Variants in NAA11 observed in about 807,000 individuals in gnomAD.
NAA11 encodes the protein N-alpha-acetyltransferase 11.
In NAA11, 15 loss-of-function variants were observed where a neutral mutation model predicts 16.1. The observed-to-expected ratio is 0.93, with a 90% CI of 0.62 to 1.44. The LOEUF (loss-of-function observed/expected upper bound fraction) is 1.44. Ranked by LOEUF, NAA11 falls within the 40% of genes most tolerant of loss-of-function variation. The probability of loss-of-function intolerance (pLI) is 0.00; values close to 1 mark genes in which losing one functional copy is unlikely to be tolerated. For missense variants in NAA11, 298 were observed against 291.3 expected (o/e 1.02, Z -0.17); for synonymous variants, 122 against 112.4 (o/e 1.09, Z -0.54).
At chr4:79,279,744 C>T (rs1212063458) in intron 2 of NAA11, among the ~76,000 whole-genome samples, 2 of 152,080 alleles carry the variant, frequency 1.3e-5, no homozygotes, top group Non-Finnish European at 2.9e-5. Context: ...AAACCTGTTT[C>T]ATACCTGATT....
the NAA11 span, among the ~76,000 whole-genome samples, chr4:79,157,608 T>C: frequency 4.6e-5 from 7 of 151,972 alleles, no homozygotes; most frequent in Admixed American, 3.3e-4. Flanking sequence ...TATACACACA[T>C]ATATATACAC....
At chr4:79,261,515 A>T (rs1025205717) in intron 2 of NAA11, among the ~76,000 whole-genome samples, 2 of 152,332 alleles carry the variant, frequency 1.3e-5, no homozygotes. Flanking sequence ...ATTTGGGAGA[A>T]GAGGCAGGGG....
At chr4:79,319,360 G>C (rs971490253) in intron 1 of NAA11, among the ~76,000 whole-genome samples, 4 of 151,938 alleles carry the variant, frequency 2.6e-5, no homozygotes, top group African/African-American at 9.7e-5. Flanking sequence ...AGAATACTAT[G>C]GCTTTACTTT....
At chr4:79,162,789 A>G in the NAA11 span, among the ~76,000 whole-genome samples, 1 of 152,352 alleles carries the variant, frequency 6.6e-6, no homozygotes, top group African/African-American at 2.4e-5. Context: ...TAGTCTACCA[A>G]TATCCAAAGA....
intron 1 of NAA11, among the ~76,000 whole-genome samples, chr4:79,320,920 C>T (rs924036451): frequency 1.2e-4 from 18 of 152,164 alleles, no homozygotes; most frequent in African/African-American, 4.3e-4. Flanking sequence ...TCTTTCTTCA[C>T]TGTAGCCTTT....
At chr4:79,293,243 A>G (rs773423397) in intron 2 of NAA11, among the ~76,000 whole-genome samples, 55 of 152,148 alleles carry the variant, frequency 3.6e-4, no homozygotes, top group Non-Finnish European at 5.7e-4. Context: ...GAAATTAGAT[A>G]TTTTTTAAAA....
the NAA11 span, among the ~76,000 whole-genome samples, chr4:79,163,449 G>A: frequency 6.6e-6 from 1 of 152,176 alleles, no homozygotes; most frequent in Admixed American, 6.5e-5. Context: ...AAAGCAGATA[G>A]AAGTAAGGAA....
intron 1 of NAA11, chr4:79,307,060 G>A (rs1330682574): frequency 6.6e-6 from 1 of 152,198 alleles, no homozygotes; most frequent in Admixed American, 6.5e-5. Context: ...TGCCTTCCAT[G>A]CAGATAAATC....
chr4:79,253,440 A>C (rs1722037790), intron 2 of NAA11, among the ~76,000 whole-genome samples: 1 of 152,186 alleles, frequency 6.6e-6, no homozygotes, highest in African/African-American at 2.4e-5. Flanking sequence ...GAAGAGGCTG[A>C]GGGCTGAGTT....
At chr4:79,256,652 A>AATATATATATATATATCTATATT (rs1491290215) in intron 2 of NAA11, among the ~76,000 whole-genome samples, 1 of 27,420 alleles carries the variant, frequency 3.6e-5, no homozygotes. Flanking sequence ...ATAAATATAA[A>AATATATATATATATATCTATATT]TATATATATA....
intron 1 of NAA11, among the ~76,000 whole-genome samples, chr4:79,295,112 C>T (rs1723179840): frequency 6.6e-6 from 1 of 152,160 alleles, no homozygotes; most frequent in Non-Finnish European, 1.5e-5. Context: ...CATCTTTCTT[C>T]AGGTCTCTGA....
downstream of NAA11, among the ~76,000 whole-genome samples, chr4:79,313,413 G>C (rs1361667703): frequency 6.6e-6 from 1 of 152,164 alleles, no homozygotes; most frequent in Non-Finnish European, 1.5e-5. Context: ...TCCGCACTCT[G>C]TGTCTTCTCA....
At chr4:79,211,904 T>C in the NAA11 span, 2 of 152,164 alleles carry the variant, frequency 1.3e-5, no homozygotes, top group African/African-American at 4.8e-5. Flanking sequence ...TTTATAAACA[T>C]CTCATCTTGG....
intron 2 of NAA11, among the ~76,000 whole-genome samples, chr4:79,282,636 A>T (rs1722820310): frequency 6.6e-6 from 1 of 152,144 alleles, no homozygotes; most frequent in Admixed American, 6.6e-5. Flanking sequence ...TTAAAAAAAC[A>T]AGGAGGAAGA....
intron 2 of NAA11, among the ~76,000 whole-genome samples, chr4:79,243,514 A>G (rs1721740116): frequency 6.6e-6 from 1 of 151,972 alleles, no homozygotes; most frequent in African/African-American, 2.4e-5. Flanking sequence ...TAAACCATAA[A>G]CTCCATGAGA....
chr4:79,246,794 A>G (rs1721846298), intron 2 of NAA11, among the ~76,000 whole-genome samples: 1 of 152,226 alleles, frequency 6.6e-6, no homozygotes, highest in Admixed American at 6.5e-5. Flanking sequence ...AAATCCACTG[A>G]TCATTACTTT....
At chr4:79,186,177 G>A in the NAA11 span, among the ~76,000 whole-genome samples, 1 of 152,148 alleles carries the variant, frequency 6.6e-6, no homozygotes, top group African/African-American at 2.4e-5. Flanking sequence ...TTTAAAAGGT[G>A]TTCCCCCCGC....
the NAA11 span, among the ~76,000 whole-genome samples, chr4:79,217,745 A>C: frequency 6.6e-6 from 1 of 152,194 alleles, no homozygotes; most frequent in African/African-American, 2.4e-5. Flanking sequence ...TAGAAAATTC[A>C]TATGGGAAGT....
At chr4:79,167,132 T>TATATATATATATATATATATA in the NAA11 span, among the ~76,000 whole-genome samples, 1 of 17,284 alleles carries the variant, frequency 5.8e-5, no homozygotes, top group Non-Finnish European at 1.4e-4. Flanking sequence ...ACAGCTTATT[T>TATATATATATATATATATATA]TATATATATA....
Sources: allele counts gnomAD v4.1 joint callset (sites outside exome capture counted in the v4.1 genomes callset), GRCh38; gene constraint gnomAD v4.1.1; transcripts MANE v1.5; gene names NCBI Gene and HGNC (gene_info 2026-07-23, HGNC 2026-07-21).